The following MX1 variants were observed in gnomAD, a reference collection of about 807,000 sequenced individuals.
MX1 encodes the protein interferon-induced GTP-binding protein Mx1.
In MX1, 66 loss-of-function variants were observed where a neutral mutation model predicts 66.4. That is an observed-to-expected ratio of 0.99 (90% CI 0.82 to 1.22). The LOEUF (loss-of-function observed/expected upper bound fraction) is 1.22, where lower values mean the gene tolerates loss of function less well. MX1 is among the 50% of genes most tolerant of loss of function. MX1 has a pLI of 0.00. For missense variants in MX1, 787 were observed against 834.3 expected (o/e 0.94, Z 0.70); for synonymous variants, 311 against 318.1 (o/e 0.98, Z 0.24).
intron 3 of MX1, 69 bp from the exon 4 acceptor site, chr21:41,430,464 T>G (rs984117389): frequency 7.3e-6 from 1 of 136,538 alleles, no homozygotes; most frequent in African/African-American, 2.6e-5. Context: ...GGAATGGGAC[T>G]GGGTGGGTGG....
intron 14 of MX1, among the ~76,000 whole-genome samples, chr21:41,450,709 A>G (rs1026773571): frequency 1.3e-5 from 2 of 152,154 alleles, no homozygotes; most frequent in Non-Finnish European, 2.9e-5. Flanking sequence ...TATTACAATA[A>G]AATTCTGTGA....
chr21:41,433,542 G>T (rs2146125872), intron 5 of MX1, among the ~76,000 whole-genome samples: 1 of 152,296 alleles, frequency 6.6e-6, no homozygotes, highest in South Asian at 2.1e-4. Flanking sequence ...TTGAACCAAA[G>T]AATCAAGTTA....
chr21:41,437,183 A>G, intron 7 of MX1, 31 bp downstream of exon 7: 2 of 1,613,084 alleles, frequency 1.2e-6, no homozygotes, highest in Non-Finnish European at 8.5e-7. Flanking sequence ...TGCCTGGTCA[A>G]GCCTTCTGAC....
chr21:41,428,192 C>T (rs1394147578), intron 3 of MX1: 2 of 152,262 alleles, frequency 1.3e-5, no homozygotes, highest in Non-Finnish European at 2.9e-5. Flanking sequence ...AGGCACGAGC[C>T]ACTGCACCCA....
chr21:41,446,887 T>G (rs1345149141), intron 13 of MX1, among the ~76,000 whole-genome samples: 3 of 152,184 alleles, frequency 2.0e-5, no homozygotes, highest in Non-Finnish European at 4.4e-5. Context: ...TACGTTGGCT[T>G]AAGACAGAGA....
chr21:41,457,697 A>G lies in MX1; in HGVS notation c.1759-831A>G, dbSNP rs568195702. ...TTTTCTTTCTTTAAATTGTGCAGAAATATTCATCATGTCTATTTTGCCATC... is the reference window on the plus strand; with the variant it reads ...TTTTCTTTCTTTAAATTGTGCAGAAGTATTCATCATGTCTATTTTGCCATC... On this transcript the variant is annotated intron_variant, in intron 16 of 16. Coordinates refer to ENST00000398598, the MANE Select transcript of MX1 (RefSeq NM_002462.5). Among the ~76,000 whole-genome samples the G allele has an allele frequency of 1.1e-3, 170 of 152,274 alleles. 2 individuals carry two copies. Among genetic ancestry groups the G allele is most frequent in the African/African-American group, 3.9e-3 (164 of 41,532 alleles).
chr21:41,427,884 T>G lies in MX1; in HGVS notation c.-98+18T>G, dbSNP rs1349701293. The G allele has an allele frequency of 6.6e-6, 1 of 152,194 alleles. No individual in the cohort carries two copies. The highest frequency in any genetic ancestry group is 2.4e-5 in the African/African-American group (1 of 41,424). 9.4% of individuals were successfully genotyped at this position (152,194 alleles called of 1,614,324 possible). A position where few individuals can be genotyped will look rare whatever the true frequency, so the allele number is the denominator to read the frequency against. On this transcript the variant is annotated intron_variant, in intron 3 of 16. Transcript: ENST00000398598. ...ATTCCAAGGTAAGGCAGAAATGAAG[T>G]GGGCCGTTGGGTTCTTTCTTTTCTT...
intron 7 of MX1, among the ~76,000 whole-genome samples, 195 bp from the exon 8 acceptor site, chr21:41,439,499 T>C (rs1601496783): frequency 6.6e-6 from 1 of 152,348 alleles, no homozygotes; most frequent in Non-Finnish European, 1.5e-5. Context: ...CACACAGTGC[T>C]GGCCAACAGC....
chr21:41,454,058 G>A (rs1351249974), intron 16 of MX1, among the ~76,000 whole-genome samples: 1 of 152,098 alleles, frequency 6.6e-6, no homozygotes, highest in African/African-American at 2.4e-5. Context: ...GAAGGGGAGA[G>A]GTCTGACTGC....
intron 1 of MX1, chr21:41,426,844 T>TC (rs3216793): frequency 0.56 from 84,571 of 151,916 alleles, 24,097 homozygotes; most frequent in East Asian, 0.87. Context: ...TGCCCGCTGT[T>TC]CCCCCCCACC....
chr21:41,446,616 A>G (rs1195872451), intron 13 of MX1, among the ~76,000 whole-genome samples: 2 of 111,870 alleles, frequency 1.8e-5, no homozygotes, highest in Non-Finnish European at 2.3e-5. Context: ...AGCATGTGCT[A>G]CTGGAAAAAA....
intron 12 of MX1, 70 bp from the exon 13 acceptor site, chr21:41,445,930 G>C: frequency 6.3e-7 from 1 of 1,576,988 alleles, no homozygotes; most frequent in East Asian, 2.3e-5. Context: ...ACATAGGCAC[G>C]GCCTCCAAAT....
rs571307717 is a variant in MX1, at chr21:41,433,466, A to G, written c.105+1291A>G. Among the ~76,000 whole-genome samples, 679 of 152,330 alleles carry G rather than the reference A, an allele frequency of 4.5e-3. 6 individuals are homozygous for G. The highest frequency in any genetic ancestry group is 0.015 in the African/African-American group (643 of 41,556). ...TGGTATGTTCATGTAGCAGAATTCT[A>G]TACAGTAGTAAAGAGGAATGAACTA... On this transcript the variant is annotated intron_variant, in intron 5 of 16. Coordinates refer to ENST00000398598, the MANE Select transcript of MX1 (RefSeq NM_002462.5).
chr21:41,451,834 C>CAA lies in MX1; in HGVS notation c.1509+607_1509+608dup, dbSNP rs559021046. The stretch of plus-strand genomic sequence containing the variant: ...TAGGCGATGGAGCGAGACCCCGTCT[C>CAA]AAAAAAAAAAAAAAAAACAAACAAA... On this transcript the variant is annotated intron_variant, in intron 15 of 16. Transcript: ENST00000398598. Among the ~76,000 whole-genome samples the CAA allele has an allele frequency of 1.0e-3, 53 of 51,428 alleles. 2 individuals are homozygous for CAA. In the East Asian group the frequency reaches 0.016, roughly 15 times the overall value. 33.7% of individuals were successfully genotyped at this position (51,428 alleles called of 152,430 possible). A position where few individuals can be genotyped will look rare whatever the true frequency, so the allele number is the denominator to read the frequency against.
At chr21:41,422,304 A>G (rs926300853), upstream of MX1, among the ~76,000 whole-genome samples, 18 of 152,238 alleles carry the variant, frequency 1.2e-4, no homozygotes, top group African/African-American at 4.3e-4. Context: ...AATGTCAGGA[A>G]GTTACCCTAC....
chr21:41,437,342 C>G (rs1056348965), intron 7 of MX1, among the ~76,000 whole-genome samples, 190 bp downstream of exon 7: 3 of 152,092 alleles, frequency 2.0e-5, no homozygotes, highest in African/African-American at 7.2e-5. Flanking sequence ...CATCTGATAG[C>G]AATCATTTAT....
At chr21:41,458,011 TTTA>T (rs2090997274) in intron 16 of MX1, among the ~76,000 whole-genome samples, 1 of 152,146 alleles carries the variant, frequency 6.6e-6, no homozygotes, top group South Asian at 2.1e-4. Flanking sequence ...CGCCTATTTA[TTTA>T]TTATTATGAG....
At chr21:41,438,648 TTC>T (rs1224183177) in intron 7 of MX1, among the ~76,000 whole-genome samples, 1 of 152,214 alleles carries the variant, frequency 6.6e-6, no homozygotes. Flanking sequence ...GGGACCGATT[TTC>T]TCTCTCTCCA....
In MX1 at chr21:41,445,437, A is replaced by G; in HGVS notation, c.1009-11A>G. ...TACACATTTCCATTATTTTCTCTCC[A>G]TTTTCCTCAGAAATCTCTGCCCCTG... is the stretch of plus-strand genomic sequence containing the variant. On this transcript the variant is annotated splice_polypyrimidine_tract_variant and intron_variant, in intron 11 of 16. Transcript: ENST00000398598. 6.2e-7 allele frequency: 1 copy of G among 1,613,300 alleles called. No individual in the cohort carries two copies. The highest frequency in any genetic ancestry group is 8.5e-7 in the Non-Finnish European group (1 of 1,179,734).
Sources: gnomAD v4.1 joint callset for allele counts (sites outside exome capture counted in the v4.1 genomes callset) on GRCh38, gnomAD v4.1.1 for gene constraint, MANE v1.5 for transcripts, NCBI Gene and HGNC (gene_info 2026-07-23, HGNC 2026-07-21) for gene names.